ATF7IP: variants seen among roughly 807,000 people sequenced by gnomAD.
ATF7IP encodes the protein activating transcription factor 7-interacting protein 1.
Under a neutral mutation model 106.4 loss-of-function variants are expected in ATF7IP, and 23 were observed. The ratio of observed to expected loss-of-function variants is 0.22; its 90% confidence interval spans 0.16 to 0.31. The LOEUF is 0.31. Among genes scored for constraint, ATF7IP ranks in the 10% least tolerant of loss-of-function variants. The pLI is 1.00. For missense variants in ATF7IP, 1,334 were observed against 1,524.3 expected, an observed-to-expected ratio of 0.88 and a Z score of 2.08; for synonymous variants, 542 against 539.0, an observed-to-expected ratio of 1.01 and a Z score of -0.08.
chr12:14,436,882 A>T (rs1411588981), intron 4 of ATF7IP, among the ~76,000 whole-genome samples: 4 of 151,806 alleles, frequency 2.6e-5, no homozygotes, highest in African/African-American at 9.7e-5. Flanking sequence ...GTTGTTTTTC[A>T]GCTTTTCTTT....
At chr12:14,366,073 T>C (rs1354894068) in intron 1 of ATF7IP, among the ~76,000 whole-genome samples, 1 of 152,230 alleles carries the variant, frequency 6.6e-6, no homozygotes, top group Non-Finnish European at 1.5e-5. Flanking sequence ...AATGTTCTTG[T>C]TGGACGCCAT....
chr12:14,494,961 C>A, intron 13 of ATF7IP, among the ~76,000 whole-genome samples: 1 of 148,702 alleles, frequency 6.7e-6, no homozygotes. Flanking sequence ...AAAAAGATCC[C>A]ACAGTAGGCT....
At chr12:14,433,505 AAAAC>A (rs1424697616) in intron 2 of ATF7IP, among the ~76,000 whole-genome samples, 6 of 152,062 alleles carry the variant, frequency 3.9e-5, no homozygotes, top group South Asian at 2.1e-4. Context: ...CTCTATCTCA[AAAAC>A]AAACAAACAA....
rs182187546 is a variant in ATF7IP, at chr12:14,478,498, A to C, written c.3097+26A>C. 3.5e-5 allele frequency: 56 copies of C among 1,613,046 alleles called. No individual in the cohort carries two copies. The Admixed American group carries it at 7.0e-4, about 20-fold the overall frequency. ...GTAAATTTGTTGAATCATTGAGTAG[A>C]AGCTTTGGTTTTGCCTGTAGAGAAC... On this transcript the variant is annotated intron_variant, in intron 12 of 14. Coordinates refer to ENST00000261168, the MANE Select transcript of ATF7IP (RefSeq NM_018179.5).
intron 1 of ATF7IP, among the ~76,000 whole-genome samples, chr12:14,389,681 G>A (rs1939438556): frequency 6.6e-6 from 1 of 152,108 alleles, no homozygotes; most frequent in Non-Finnish European, 1.5e-5. Flanking sequence ...AGGCTGGAGT[G>A]CAATGGCGCG....
At chr12:14,418,938 G>T (rs904164375) in intron 1 of ATF7IP, among the ~76,000 whole-genome samples, 4 of 151,804 alleles carry the variant, frequency 2.6e-5, no homozygotes, top group African/African-American at 7.3e-5. Flanking sequence ...TAACTGTGAG[G>T]TTTACATGTT....
chr12:14,448,455 G>T (rs1179460583), intron 6 of ATF7IP, among the ~76,000 whole-genome samples: 1 of 152,170 alleles, frequency 6.6e-6, no homozygotes, highest in Non-Finnish European at 1.5e-5. Context: ...ATAGATTTAT[G>T]TAGCCCCCAT....
chr12:14,483,672 G>C (rs1300038920), intron 13 of ATF7IP, among the ~76,000 whole-genome samples: 1 of 152,032 alleles, frequency 6.6e-6, no homozygotes, highest in African/African-American at 2.4e-5. Context: ...CTGGCTATGG[G>C]AGAAACAGCA....
rs140226162 is a variant in ATF7IP at position 14,377,674 on chromosome 12, C to T, written c.-8+11847C>T. Among the ~76,000 whole-genome samples, 11 of 151,700 alleles carry T rather than the reference C, an allele frequency of 7.3e-5. No individual in the cohort carries two copies. The South Asian group carries it at 1.3e-3, about 17-fold the overall frequency. ...TGTCACCCACGTTGGAGTGCAATGG[C>T]GTGATCTCGGCTCACTCCAGTCTCT... On this transcript the variant is annotated intron_variant, in intron 1 of 14. Transcript: ENST00000261168.
intron 1 of ATF7IP, among the ~76,000 whole-genome samples, chr12:14,392,717 A>T (rs1052296510): frequency 6.6e-6 from 1 of 152,202 alleles, no homozygotes; most frequent in African/African-American, 2.4e-5. Context: ...GATGAGCACT[A>T]CACAAAATGT....
intron 1 of ATF7IP, among the ~76,000 whole-genome samples, chr12:14,393,062 G>T (rs1939652528): frequency 6.6e-6 from 1 of 152,082 alleles, no homozygotes; most frequent in Admixed American, 6.6e-5. Flanking sequence ...TTCTTTTGAT[G>T]AATAATTCAC....
chr12:14,494,114 A>G (rs970271623), intron 13 of ATF7IP, among the ~76,000 whole-genome samples: 7 of 151,344 alleles, frequency 4.6e-5, no homozygotes, highest in African/African-American at 1.5e-4. Context: ...TGTTCTCTAT[A>G]CTATTAGAAT....
intron 13 of ATF7IP, among the ~76,000 whole-genome samples, chr12:14,489,162 C>G (rs1019266928): frequency 1.3e-5 from 2 of 152,286 alleles, no homozygotes; most frequent in East Asian, 3.9e-4. Flanking sequence ...TTATAGTTTC[C>G]TGTTGACCTC....
intron 1 of ATF7IP, among the ~76,000 whole-genome samples, chr12:14,394,511 G>A (rs185554588): frequency 6.6e-6 from 1 of 152,286 alleles, no homozygotes; most frequent in African/African-American, 2.4e-5. Flanking sequence ...GGAACGAATG[G>A]GGAGGGTTTA....
At chr12:14,426,665 A>G (rs1941862017) in intron 2 of ATF7IP, among the ~76,000 whole-genome samples, 1 of 151,196 alleles carries the variant, frequency 6.6e-6, no homozygotes, top group South Asian at 2.1e-4. Context: ...CGTCTCTACA[A>G]AAGTACAAAA....
chr12:14,405,525 C>T (rs1015526624), intron 1 of ATF7IP, among the ~76,000 whole-genome samples: 4 of 150,974 alleles, frequency 2.6e-5, no homozygotes, highest in Non-Finnish European at 1.5e-5. Context: ...AGTGATCCTC[C>T]CACCTCAGCC....
intron 13 of ATF7IP, among the ~76,000 whole-genome samples, chr12:14,486,772 C>T (rs971056904): frequency 1.3e-5 from 2 of 152,126 alleles, no homozygotes; most frequent in African/African-American, 4.8e-5. Context: ...TTGGCCCCTG[C>T]CAACTTAGGA....
intron 3 of ATF7IP, among the ~76,000 whole-genome samples, chr12:14,435,847 A>G (rs370976342): frequency 1.3e-5 from 2 of 152,226 alleles, no homozygotes; most frequent in East Asian, 3.8e-4. Context: ...GGCAGTTCTT[A>G]GTATGAAGAT....
At chr12:14,486,621 A>C (rs1286913474) in intron 13 of ATF7IP, among the ~76,000 whole-genome samples, 1 of 152,188 alleles carries the variant, frequency 6.6e-6, no homozygotes, top group Non-Finnish European at 1.5e-5. Context: ...GCTTCCTATC[A>C]GTTTCATCTC....
Sources: gnomAD v4.1 joint callset for allele counts (sites outside exome capture counted in the v4.1 genomes callset) on GRCh38, gnomAD v4.1.1 for gene constraint, MANE v1.5 for transcripts, NCBI Gene and HGNC (gene_info 2026-07-23, HGNC 2026-07-21) for gene names.